The following ZBTB2 variants were observed in gnomAD, a reference collection of about 807,000 sequenced individuals.
The protein encoded by ZBTB2 is zinc finger and BTB domain containing 2, also known as zinc finger and BTB domain-containing protein 2.
ZBTB2 carries 2 observed loss-of-function variants against 39.5 expected under a neutral mutation model. That is an observed-to-expected ratio of 0.05 (90% CI 0.02 to 0.16). The LOEUF (loss-of-function observed/expected upper bound fraction) is 0.16, where lower values mean the gene tolerates loss of function less well. ZBTB2 is among the 10% of genes least tolerant of loss of function. The probability of loss-of-function intolerance (pLI) is 1.00; values close to 1 mark genes in which losing one functional copy is unlikely to be tolerated. For synonymous variants in ZBTB2, 251 were observed against 256.6 expected, an observed-to-expected ratio of 0.98 and a Z score of 0.21; for missense variants, 391 against 653.0, an observed-to-expected ratio of 0.60 and a Z score of 4.37.
At position 151,364,730 on chromosome 6, in the gene ZBTB2, T is replaced by C. The variant is rs1320435807; in HGVS notation, c.*791A>G. The C allele has an allele frequency of 1.3e-5, 2 of 152,330 alleles. No homozygotes were observed. Among genetic ancestry groups the C allele is most frequent in the Non-Finnish European group, 2.9e-5 (2 of 68,044 alleles). The allele number at this position is 152,330 out of a possible 1,614,324, so 9.4% of individuals were successfully genotyped here. On this transcript the variant is annotated 3_prime_UTR_variant, in exon 3 of 3. Coordinates refer to ENST00000325144, the MANE Select transcript of ZBTB2 (RefSeq NM_020861.3). ...AATTTATAGAATAGTACATTCAAAT[T>C]TGATTTTTAAAACAAATTTGTCAGA...
chr6:151,385,214 T>G (rs1222663719), intron 1 of ZBTB2, among the ~76,000 whole-genome samples: 3 of 152,212 alleles, frequency 2.0e-5, no homozygotes, highest in Non-Finnish European at 2.9e-5. Context: ...TTACTTTTCT[T>G]AAGTAAATTC....
chr6:151,366,941 T>C lies in ZBTB2; in HGVS notation c.174-49A>G. The C allele has an allele frequency of 6.5e-7, 1 of 1,527,528 alleles. No individual in the cohort carries two copies. The highest frequency in any genetic ancestry group is 8.8e-7 in the Non-Finnish European group (1 of 1,139,920). The allele number at this position is 1,527,528 out of a possible 1,614,324, so 94.6% of individuals were successfully genotyped here. A position where few individuals can be genotyped will look rare whatever the true frequency, so the allele number is the denominator to read the frequency against. ...ACGTGAGTAAATGCCAGTCTAGGTG[T>C]TAACATAAAGCCTGAAGAAAAAAAT... On this transcript the variant is annotated intron_variant, in intron 2 of 2. Coordinates refer to ENST00000325144, the MANE Select transcript of ZBTB2 (RefSeq NM_020861.3). The surrounding 1 kb of genome is among the most constrained non-coding windows in gnomAD (Gnocchi z 7.1).
At chr6:151,391,179 GC>G (rs1779298434) in intron 1 of ZBTB2, among the ~76,000 whole-genome samples, 1 of 151,500 alleles carries the variant, frequency 6.6e-6, no homozygotes. Flanking sequence ...AGCCGCCGCC[GC>G]CCCCGCGAGG....
chr6:151,373,240 G>A (rs1778826181), intron 2 of ZBTB2, among the ~76,000 whole-genome samples: 1 of 149,698 alleles, frequency 6.7e-6, no homozygotes, highest in South Asian at 2.1e-4. Context: ...CCCAGCGAGG[G>A]CATCTGGAGG....
In ZBTB2 at chr6:151,373,870, A is replaced by AAAAACAAAAC. The variant is rs1554336609; in HGVS notation, c.-12-222_-12-221insGTTTTGTTTT. ...AAAAAAAAAAAAAAAAAAAAAAAAA[A>AAAAACAAAAC]AAAAAAACCAGATGATGCCATTTAA... On this transcript the variant is annotated intron_variant, in intron 1 of 2. Coordinates refer to ENST00000325144, the MANE Select transcript of ZBTB2 (RefSeq NM_020861.3). Among the ~76,000 whole-genome samples the AAAAACAAAAC allele has an allele frequency of 8.9e-3, 1,094 of 123,422 alleles. 86 individuals carry two copies. The highest frequency in any genetic ancestry group is 0.037 in the African/African-American group (1,035 of 28,018). The allele number at this position is 123,422 out of a possible 152,430, so 81.0% of individuals were successfully genotyped here. A position where few individuals can be genotyped will look rare whatever the true frequency, so the allele number is the denominator to read the frequency against.
chr6:151,373,353 A>AG, intron 2 of ZBTB2, 112 bp downstream of exon 2: 6 of 1,178,842 alleles, frequency 5.1e-6, no homozygotes, highest in African/African-American at 4.6e-5. Flanking sequence ...ACAAGGGAGC[A>AG]GGTCACCTAG....
intron 1 of ZBTB2, among the ~76,000 whole-genome samples, chr6:151,386,963 C>G (rs1204436726): frequency 6.6e-6 from 1 of 152,020 alleles, no homozygotes; most frequent in Non-Finnish European, 1.5e-5. Flanking sequence ...AAAGTGGTGT[C>G]TTTTTATATT....
chr6:151,384,595 T>C (rs570429616), intron 1 of ZBTB2, among the ~76,000 whole-genome samples: 1 of 151,780 alleles, frequency 6.6e-6, no homozygotes, highest in Admixed American at 6.5e-5. Context: ...GACTTCTTAT[T>C]TGTATAACCG....
chr6:151,371,033 A>G (rs1778778188), intron 2 of ZBTB2, among the ~76,000 whole-genome samples: 1 of 152,228 alleles, frequency 6.6e-6, no homozygotes, highest in South Asian at 2.1e-4. Context: ...CAAGATTAAA[A>G]TTGCCTCCTT....
intron 1 of ZBTB2, among the ~76,000 whole-genome samples, chr6:151,390,965 G>T (rs971133200): frequency 4.0e-5 from 6 of 150,608 alleles, no homozygotes; most frequent in Non-Finnish European, 8.9e-5. Context: ...GCGGCGGGAA[G>T]GGAGGGACCG....
In ZBTB2 at chr6:151,365,127, C is replaced by T. The variant is rs569211510; in HGVS notation, c.*394G>A. ...AGCCCAGCCGTATTTCTAAGCAGCA[C>T]GCTGTTATTTTCTGACATTGTTTTT... On this transcript the variant is annotated 3_prime_UTR_variant, in exon 3 of 3. Transcript: ENST00000325144. The surrounding 1 kb of genome is among the most constrained non-coding windows in gnomAD (Gnocchi z 5.6). 55 of 188,856 alleles carry T rather than the reference C, an allele frequency of 2.9e-4. No individual in the cohort carries two copies. Among genetic ancestry groups the T allele is most frequent in the African/African-American group, 4.8e-4 (20 of 42,096 alleles). The allele number at this position is 188,856 out of a possible 1,614,324, so 11.7% of individuals were successfully genotyped here. A position where few individuals can be genotyped will look rare whatever the true frequency, so the allele number is the denominator to read the frequency against.
chr6:151,387,350 GT>G (rs1779181105), intron 1 of ZBTB2, among the ~76,000 whole-genome samples: 1 of 67,292 alleles, frequency 1.5e-5, no homozygotes, highest in African/African-American at 1.1e-4. Flanking sequence ...TCTTCTCAGT[GT>G]CAACACTGAG....
chr6:151,389,231 G>C (rs969494362), intron 1 of ZBTB2, among the ~76,000 whole-genome samples: 1 of 151,912 alleles, frequency 6.6e-6, no homozygotes, highest in African/African-American at 2.4e-5. Context: ...AGACCGTCTC[G>C]GGCAACATAG....
intron 1 of ZBTB2, among the ~76,000 whole-genome samples, chr6:151,388,309 T>A (rs1047784140): frequency 8.6e-5 from 13 of 152,044 alleles, no homozygotes; most frequent in African/African-American, 3.1e-4. Flanking sequence ...GAAAGGTGAG[T>A]GGGGCTAGGA....
rs1310878751 is a variant in ZBTB2, at chr6:151,374,800, T to C, written c.-12-1151A>G. On this transcript the variant is annotated intron_variant, in intron 1 of 2. Transcript: ENST00000325144. ...AACACAGAAAGTCCCAAGGCATCTA[T>C]TAAAAAAAAAAAAAAAAAGGCCAGA... Among the ~76,000 whole-genome samples, 48 of 102,520 alleles carry C rather than the reference T, an allele frequency of 4.7e-4. 1 individual carries two copies. Among genetic ancestry groups the C allele is most frequent in the African/African-American group, 1.3e-3 (46 of 36,466 alleles). 67.3% of individuals were successfully genotyped at this position (102,520 alleles called of 152,430 possible).
chr6:151,382,848 C>T (rs114227210), intron 1 of ZBTB2, among the ~76,000 whole-genome samples: 2,635 of 152,116 alleles, frequency 0.017, 70 homozygotes, highest in African/African-American at 0.061. Context: ...AGCCACTGGA[C>T]CTTGCCCTGA....
At chr6:151,367,832 T>A (rs997956380) in intron 2 of ZBTB2, among the ~76,000 whole-genome samples, 3 of 152,258 alleles carry the variant, frequency 2.0e-5, no homozygotes, top group Non-Finnish European at 4.4e-5. Flanking sequence ...CTTTAGATTC[T>A]ACTCCTTTTA....
intron 2 of ZBTB2, among the ~76,000 whole-genome samples, chr6:151,372,446 A>C (rs1562765712): frequency 6.6e-6 from 1 of 152,152 alleles, no homozygotes; most frequent in Non-Finnish European, 1.5e-5. Context: ...ACCGTAACTC[A>C]GGCAGACAGC....
intron 2 of ZBTB2, among the ~76,000 whole-genome samples, chr6:151,369,253 C>A (rs906610883): frequency 6.6e-6 from 1 of 152,170 alleles, no homozygotes; most frequent in African/African-American, 2.4e-5. Context: ...GGAGGGAGGA[C>A]TCCAAGGGGC....
Sources: allele counts gnomAD v4.1 joint callset (sites outside exome capture counted in the v4.1 genomes callset), GRCh38; gene constraint gnomAD v4.1.1; non-coding constraint Gnocchi (gnomAD v3.1); transcripts MANE v1.5; gene names NCBI Gene and HGNC (gene_info 2026-07-23, HGNC 2026-07-21).